The following KIAA0319 variants were observed in gnomAD, a reference collection of about 807,000 sequenced individuals.
KIAA0319 encodes the protein dyslexia-associated protein KIAA0319.
A neutral mutation model predicts 108.4 loss-of-function variants in KIAA0319; 83 were observed. The ratio of observed to expected loss-of-function variants is 0.77; its 90% CI spans 0.64 to 0.92. KIAA0319 has a LOEUF of 0.92. Among genes scored for constraint, KIAA0319 ranks in the 40% least tolerant of loss-of-function variants. KIAA0319 has a pLI of 0.00. For synonymous variants in KIAA0319, 484 were observed against 510.4 expected (o/e 0.95, Z 0.70); for missense variants, 1,195 against 1,322.4 (o/e 0.90, Z 1.49).
At chr6:24,540,914 A>C (rs1218418104), downstream of KIAA0319, among the ~76,000 whole-genome samples, 1 of 151,274 alleles carries the variant, frequency 6.6e-6, no homozygotes, top group African/African-American at 2.4e-5. Context: ...CCTTATTCCA[A>C]TTTCACTCGT....
chr6:24,543,251 G>A (rs1418208253), downstream of KIAA0319, among the ~76,000 whole-genome samples: 15 of 152,150 alleles, frequency 9.9e-5, no homozygotes, highest in African/African-American at 3.4e-4. Flanking sequence ...GAAAATTCAA[G>A]CTAATCTCTA....
rs1373082268 is a variant in KIAA0319, at chr6:24,599,511, G to A, written c.55+1538C>T. ...GATCATCAAGCCAACCCTGGACATC[G>A]AGATTGTCACCTACAGGAAGGTGCT... On this transcript the variant is annotated intron_variant, in intron 2 of 20. Coordinates refer to ENST00000378214, the MANE Select transcript of KIAA0319 (RefSeq NM_014809.4). The surrounding 1 kb of genome is among the most constrained non-coding windows in gnomAD (Gnocchi z 4.1). 8 of 568,160 alleles carry A rather than the reference G, an allele frequency of 1.4e-5. No homozygotes were observed. Among genetic ancestry groups the A allele is most frequent in the Non-Finnish European group, 2.0e-5 (6 of 295,888 alleles). The allele number at this position is 568,160 out of a possible 1,614,324, so 35.2% of individuals were successfully genotyped here.
chr6:24,571,208 G>T (rs997299551), intron 11 of KIAA0319, among the ~76,000 whole-genome samples: 1 of 150,078 alleles, frequency 6.7e-6, no homozygotes, highest in Non-Finnish European at 1.5e-5. Context: ...AAAAAAAAAA[G>T]TATTGCTAAT....
chr6:24,554,995 A>AC (rs1762084867), intron 18 of KIAA0319, among the ~76,000 whole-genome samples: 1 of 151,918 alleles, frequency 6.6e-6, no homozygotes, highest in African/African-American at 2.4e-5. Context: ...AAAAATCACA[A>AC]CCCCTACCCC....
chr6:24,579,424 T>TATATATATATCTTATATATCTC (rs1766062074), intron 8 of KIAA0319, among the ~76,000 whole-genome samples: 3 of 145,674 alleles, frequency 2.1e-5, no homozygotes, highest in Admixed American at 6.9e-5. Context: ...TATATATATA[T>TATATATATATCTTATATATCTC]ATATATATCT....
At chr6:24,627,167 G>A (rs1276999079) in intron 1 of KIAA0319, among the ~76,000 whole-genome samples, 2 of 152,146 alleles carry the variant, frequency 1.3e-5, no homozygotes, top group East Asian at 3.8e-4. Context: ...AACAAAAGGG[G>A]ACTTCACATA....
rs144205087 is a variant in KIAA0319, at chr6:24,589,443, C to G, written c.802-658G>C. 5.9e-3 allele frequency among the ~76,000 whole-genome samples: 905 copies of G among 152,292 alleles called. 6 individuals carry two copies. The highest frequency in any genetic ancestry group is 8.3e-3 in the Non-Finnish European group (564 of 68,028). ...TATGGCTAGGCTTTGTGCCCCCACC[C>G]AAATCTCATCTTGAATTATAATCCC... On this transcript the variant is annotated intron_variant, in intron 3 of 20. Transcript: ENST00000378214.
At chr6:24,639,277 C>T (rs533898046) in intron 1 of KIAA0319, among the ~76,000 whole-genome samples, 13 of 152,038 alleles carry the variant, frequency 8.6e-5, no homozygotes, top group African/African-American at 2.4e-4. Context: ...GAGCCAGAGA[C>T]GAAAGACAGA....
chr6:24,635,024 G>A (rs1298854746), intron 1 of KIAA0319, among the ~76,000 whole-genome samples: 2 of 152,112 alleles, frequency 1.3e-5, no homozygotes, highest in Non-Finnish European at 2.9e-5. Flanking sequence ...TGAGCTTAGA[G>A]CAGCTACCTG....
chr6:24,577,954 G>T (rs1472373390), intron 9 of KIAA0319, among the ~76,000 whole-genome samples, 156 bp downstream of exon 9: 1 of 152,114 alleles, frequency 6.6e-6, no homozygotes, highest in Non-Finnish European at 1.5e-5. Context: ...AATTGATGAG[G>T]ATATCAGAGT....
At chr6:24,543,437 T>C (rs1038905314), downstream of KIAA0319, among the ~76,000 whole-genome samples, 6 of 152,166 alleles carry the variant, frequency 3.9e-5, no homozygotes, top group Non-Finnish European at 8.8e-5. Flanking sequence ...ATCTGCATTT[T>C]TTTTTCTTTT....
At chr6:24,601,607 C>T (rs1770632339) in intron 1 of KIAA0319, among the ~76,000 whole-genome samples, 1 of 152,156 alleles carries the variant, frequency 6.6e-6, no homozygotes, top group Non-Finnish European at 1.5e-5. Flanking sequence ...TAATTGGAGG[C>T]TGTTGCAGTG....
intron 1 of KIAA0319, among the ~76,000 whole-genome samples, chr6:24,641,643 C>CA (rs67478622): frequency 0.64 from 97,783 of 151,928 alleles, 31,874 homozygotes; most frequent in East Asian, 0.87. Context: ...ATGTTTAAGA[C>CA]AAAGAGGTTG....
At chr6:24,578,291 A>C in intron 8 of KIAA0319, 49 bp from the exon 9 acceptor site, 1 of 1,419,788 alleles carries the variant, frequency 7.0e-7, no homozygotes, top group Non-Finnish European at 9.7e-7. Flanking sequence ...GAAGAGGAAG[A>C]CATAAGTTTT....
At chr6:24,592,696 C>T (rs186007246) in intron 3 of KIAA0319, among the ~76,000 whole-genome samples, 1 of 152,194 alleles carries the variant, frequency 6.6e-6, no homozygotes, top group African/African-American at 2.4e-5. Flanking sequence ...ATCGGTGGGG[C>T]AAGGTGGCTC....
At chr6:24,608,957 A>G (rs1736793481) in intron 1 of KIAA0319, among the ~76,000 whole-genome samples, 1 of 145,342 alleles carries the variant, frequency 6.9e-6, no homozygotes, top group Non-Finnish European at 1.5e-5. Context: ...AAAAAAAAAA[A>G]GGCATGTCAA....
At chr6:24,540,449 T>G (rs1201582483), downstream of KIAA0319, among the ~76,000 whole-genome samples, 1 of 152,190 alleles carries the variant, frequency 6.6e-6, no homozygotes, top group Admixed American at 6.5e-5. Flanking sequence ...ATGCCAGGCA[T>G]GACCGTATAA....
chr6:24,598,467 C>A, intron 2 of KIAA0319: 1 of 516,752 alleles, frequency 1.9e-6, no homozygotes. Flanking sequence ...GCTACATCAA[C>A]CTATGGCAGC....
intron 1 of KIAA0319, among the ~76,000 whole-genome samples, chr6:24,617,787 G>C (rs770559811): frequency 6.6e-6 from 1 of 152,156 alleles, no homozygotes; most frequent in African/African-American, 2.4e-5. Flanking sequence ...AGGAGTTCAA[G>C]ACCAGCCTGG....
Sources: gnomAD v4.1 joint callset for allele counts (sites outside exome capture counted in the v4.1 genomes callset) on GRCh38, gnomAD v4.1.1 for gene constraint, Gnocchi (gnomAD v3.1) non-coding constraint, MANE v1.5 for transcripts, NCBI Gene and HGNC (gene_info 2026-07-23, HGNC 2026-07-21) for gene names.